The following RBFOX1 variants were observed in gnomAD, a reference collection of about 807,000 sequenced individuals.
RBFOX1 encodes RNA binding protein fox-1 homolog 1.
Under a neutral mutation model 57.7 loss-of-function variants are expected in RBFOX1, and 8 were observed. The ratio of observed to expected loss-of-function variants is 0.14; its 90% CI spans 0.08 to 0.25. RBFOX1 has a LOEUF of 0.25. RBFOX1 is among the 10% of genes least tolerant of loss of function. RBFOX1 has a pLI of 1.00. For synonymous variants in RBFOX1, 326 were observed against 222.4 expected (o/e 1.47, Z -4.15); for missense variants, 611 against 548.5 (o/e 1.11, Z -1.14).
rs56341827 is a variant in RBFOX1, at chr16:6,906,239, AC to A, written c.-15-145809del. 6.9e-4 allele frequency among the ~76,000 whole-genome samples: 104 copies of A among 149,752 alleles called. 1 individual carries two copies. The South Asian group carries it at 7.7e-3, about 11-fold the overall frequency. On this transcript the variant is annotated intron_variant, in intron 3 of 15. Coordinates refer to ENST00000550418, the MANE Select transcript of RBFOX1 (RefSeq NM_018723.4). ...GGGCAACCCCAAAAAGCAATTTATT[AC>A]CCCCCCCCAAAATATACATTGTCAT...
intron 1 of RBFOX1, among the ~76,000 whole-genome samples, chr16:6,298,178 G>C (rs1356385544): frequency 2.2e-4 from 34 of 152,176 alleles, no homozygotes; most frequent in Admixed American, 2.2e-3. Flanking sequence ...TCCTGTAAGG[G>C]GTTTGAGCAG....
At chr16:7,509,662 C>T (rs1318052045) in intron 4 of RBFOX1, among the ~76,000 whole-genome samples, 1 of 152,184 alleles carries the variant, frequency 6.6e-6, no homozygotes, top group Non-Finnish European at 1.5e-5. Context: ...TTGCAGTTAA[C>T]CACACAGCTT....
At chr16:6,962,113 C>G (rs975279548) in intron 3 of RBFOX1, among the ~76,000 whole-genome samples, 1 of 152,142 alleles carries the variant, frequency 6.6e-6, no homozygotes, top group African/African-American at 2.4e-5. Context: ...AGGCTGTATC[C>G]AGGACCATAT....
At chr16:6,980,480 GTGTT>G (rs1429543197) in intron 3 of RBFOX1, among the ~76,000 whole-genome samples, 1 of 152,080 alleles carries the variant, frequency 6.6e-6, no homozygotes, top group Non-Finnish European at 1.5e-5. Context: ...AATTTTTCTG[GTGTT>G]TGTTTGCATT....
chr16:7,066,167 G>A (rs1355638501), intron 4 of RBFOX1, among the ~76,000 whole-genome samples: 1 of 152,210 alleles, frequency 6.6e-6, no homozygotes, highest in Admixed American at 6.5e-5. Flanking sequence ...TTAGTCCAGA[G>A]ATTCTCTTTA....
intron 5 of RBFOX1, among the ~76,000 whole-genome samples, chr16:7,550,439 C>T (rs1392493757): frequency 6.6e-6 from 1 of 152,166 alleles, no homozygotes; most frequent in Non-Finnish European, 1.5e-5. Flanking sequence ...TTTGTAGCAG[C>T]AGAGCCGTGT....
intron 4 of RBFOX1, among the ~76,000 whole-genome samples, chr16:6,011,906 C>G (rs907705060): frequency 1.3e-4 from 20 of 152,148 alleles, no homozygotes; most frequent in African/African-American, 4.6e-4. Flanking sequence ...GAACACTCAG[C>G]CCAATATGAA....
rs2153015344 is a variant in RBFOX1 at position 6,435,873 on chromosome 16, TTC to T, written c.-64+118817_-64+118818del. Among the ~76,000 whole-genome samples, 3 of 152,268 alleles carry T rather than the reference TTC, an allele frequency of 2.0e-5. No homozygotes were observed. The South Asian group carries it at 6.2e-4, about 32-fold the overall frequency. Reference sequence around the variant, plus strand: ...ATGTGCCATTCATCAAATTCCAATGTTCCATACATTTATGAATGATCTGTGAC... The same window carrying T: ...ATGTGCCATTCATCAAATTCCAATGTCATACATTTATGAATGATCTGTGAC... On this transcript the variant is annotated intron_variant, in intron 2 of 15. Coordinates refer to ENST00000550418, the MANE Select transcript of RBFOX1 (RefSeq NM_018723.4).
At position 7,014,308 on chromosome 16, in the gene RBFOX1, G is replaced by T. The variant is rs549647921; in HGVS notation, c.-15-37749G>T. 7.9e-5 allele frequency among the ~76,000 whole-genome samples: 12 copies of T among 151,880 alleles called. No homozygotes were observed. The South Asian group carries it at 1.3e-3, about 16-fold the overall frequency. On this transcript the variant is annotated intron_variant, in intron 3 of 15. Coordinates refer to ENST00000550418, the MANE Select transcript of RBFOX1 (RefSeq NM_018723.4). ...GCTCACTACAATGTTAGCCTCCTGG[G>T]TTCAAGCAATCCTCCCACGTCAGCC...
At chr16:7,647,675 G>A (rs569281392) in intron 11 of RBFOX1, among the ~76,000 whole-genome samples, 27 of 152,230 alleles carry the variant, frequency 1.8e-4, no homozygotes, top group Non-Finnish European at 3.2e-4. Context: ...GGTGATGTTT[G>A]ACTTTTAACA....
intron 3 of RBFOX1, among the ~76,000 whole-genome samples, chr16:5,855,496 G>A (rs1229161851): frequency 1.3e-5 from 2 of 152,114 alleles, no homozygotes; most frequent in Non-Finnish European, 2.9e-5. Flanking sequence ...TCCACATTGT[G>A]TGTTCTTGGC....
intron 3 of RBFOX1, among the ~76,000 whole-genome samples, chr16:5,613,309 G>A (rs1397765919): frequency 2.0e-5 from 3 of 152,298 alleles, no homozygotes; most frequent in South Asian, 2.1e-4. Context: ...GCACAGTTGA[G>A]GGTGGGTTCC....
chr16:7,032,710 G>C (rs2043133064), intron 3 of RBFOX1, among the ~76,000 whole-genome samples: 1 of 151,868 alleles, frequency 6.6e-6, no homozygotes, highest in Admixed American at 6.6e-5. Context: ...TTTTCAGGTA[G>C]TTTTATCCTC....
At chr16:6,587,449 T>G (rs1184035754) in intron 2 of RBFOX1, among the ~76,000 whole-genome samples, 1 of 152,060 alleles carries the variant, frequency 6.6e-6, no homozygotes, top group Non-Finnish European at 1.5e-5. Context: ...GCCTGGCTAA[T>G]TTTTGTATTT....
chr16:7,100,799 C>G (rs1050287496), intron 4 of RBFOX1, among the ~76,000 whole-genome samples: 2 of 152,120 alleles, frequency 1.3e-5, no homozygotes, highest in Admixed American at 1.3e-4. Flanking sequence ...TCTCCAATGT[C>G]AGATGAATGC....
At chr16:6,069,130 G>A (rs1320036469) in intron 1 of RBFOX1, among the ~76,000 whole-genome samples, 4 of 152,140 alleles carry the variant, frequency 2.6e-5, no homozygotes, top group South Asian at 2.1e-4. Context: ...CGGGCACGGC[G>A]GCTGACGCAT....
At chr16:6,838,622 A>C (rs994934107) in intron 3 of RBFOX1, among the ~76,000 whole-genome samples, 3 of 152,038 alleles carry the variant, frequency 2.0e-5, no homozygotes, top group Non-Finnish European at 4.4e-5. Context: ...ACTTAAGTAA[A>C]AGTTGCTGTC....
intron 5 of RBFOX1, among the ~76,000 whole-genome samples, chr16:7,534,043 A>C (rs1042424546): frequency 5.3e-5 from 8 of 151,842 alleles, no homozygotes; most frequent in Middle Eastern, 3.2e-3. Flanking sequence ...CATGGAACTC[A>C]GATCCAGCCC....
chr16:5,333,190 A>AAAAG (rs146225054), intron 1 of RBFOX1, among the ~76,000 whole-genome samples: 1 of 151,678 alleles, frequency 6.6e-6, no homozygotes, highest in Non-Finnish European at 1.5e-5. Flanking sequence ...TCCATCTCAA[A>AAAAG]AAACAAACAA....
Sources: gnomAD v4.1 joint callset for allele counts (sites outside exome capture counted in the v4.1 genomes callset) on GRCh38, gnomAD v4.1.1 for gene constraint, MANE v1.5 for transcripts, NCBI Gene and HGNC (gene_info 2026-07-23, HGNC 2026-07-21) for gene names.